The following ABCE1 variants were observed in gnomAD, a reference collection of about 807,000 sequenced individuals.
The protein encoded by ABCE1 is ATP binding cassette subfamily E member 1, also known as ATP-binding cassette sub-family E member 1.
ABCE1 carries 22 observed loss-of-function variants against 83.4 expected under a neutral mutation model. The observed-to-expected ratio is 0.26, with a 90% CI of 0.19 to 0.38. The LOEUF (loss-of-function observed/expected upper bound fraction) is 0.38, where lower values mean the gene tolerates loss of function less well. ABCE1 is among the 10% of genes least tolerant of loss of function. The probability of loss-of-function intolerance (pLI) is 1.00; values close to 1 mark genes in which losing one functional copy is unlikely to be tolerated. For missense variants in ABCE1, 330 were observed against 721.9 expected, an observed-to-expected ratio of 0.46 and a Z score of 6.22; for synonymous variants, 204 against 233.7, an observed-to-expected ratio of 0.87 and a Z score of 1.16.
intron 7 of ABCE1, 126 bp downstream of exon 7, chr4:145,110,570 G>A (rs955277195): frequency 6.8e-6 from 6 of 877,324 alleles, no homozygotes; most frequent in Non-Finnish European, 1.1e-5. Context: ...CTGCCTCCCG[G>A]GTTCAAGCGA....
chr4:145,120,195 A>G, intron 11 of ABCE1, 42 bp downstream of exon 11: 1 of 1,517,280 alleles, frequency 6.6e-7, no homozygotes. Flanking sequence ...CTTCCTGTTT[A>G]TCTAGTAAAT....
At chr4:145,106,256 C>G (rs1481309690) in intron 3 of ABCE1, among the ~76,000 whole-genome samples, 1 of 151,874 alleles carries the variant, frequency 6.6e-6, no homozygotes, top group Non-Finnish European at 1.5e-5. Context: ...TAATTTAGAT[C>G]TTTCTGTTTG....
At chr4:145,118,623 G>A (rs1248284450) in intron 10 of ABCE1, among the ~76,000 whole-genome samples, 1 of 151,610 alleles carries the variant, frequency 6.6e-6, no homozygotes, top group Non-Finnish European at 1.5e-5. Context: ...ATGGGTACTC[G>A]GCAGTCATTC....
chr4:145,108,442 C>G (rs1221179724), intron 4 of ABCE1, among the ~76,000 whole-genome samples: 1 of 152,076 alleles, frequency 6.6e-6, no homozygotes, highest in African/African-American at 2.4e-5. Flanking sequence ...GTTCCTAGTA[C>G]CCTTATCCCC....
At chr4:145,117,435 C>A in intron 10 of ABCE1, 21 bp downstream of exon 10, 1 of 1,607,246 alleles carries the variant, frequency 6.2e-7, no homozygotes, top group Admixed American at 1.7e-5. Context: ...AAACTTTTTT[C>A]ACATATGCTG....
At chr4:145,117,920 G>C (rs1399477379) in intron 10 of ABCE1, among the ~76,000 whole-genome samples, 1 of 151,638 alleles carries the variant, frequency 6.6e-6, no homozygotes, top group Non-Finnish European at 1.5e-5. Flanking sequence ...CCAAGAAAAT[G>C]AGATTCCCTG....
At chr4:145,099,180 AG>A (rs1406042127) in intron 1 of ABCE1, among the ~76,000 whole-genome samples, 1 of 152,222 alleles carries the variant, frequency 6.6e-6, no homozygotes, top group African/African-American at 2.4e-5. Context: ...CGTACATTGT[AG>A]GCATTTAATA....
chr4:145,109,090 G>A (rs1186642721), intron 4 of ABCE1, 42 bp from the exon 5 acceptor site: 6 of 1,388,848 alleles, frequency 4.3e-6, no homozygotes, highest in Non-Finnish European at 6.1e-6. Flanking sequence ...CTTTTTCTGT[G>A]TAAATCTGAG....
intron 9 of ABCE1, among the ~76,000 whole-genome samples, chr4:145,116,699 G>A (rs1252371114): frequency 6.6e-6 from 1 of 151,830 alleles, no homozygotes; most frequent in East Asian, 1.9e-4. Flanking sequence ...AGCCACTTAA[G>A]CTTCACATCA....
intron 9 of ABCE1, among the ~76,000 whole-genome samples, 193 bp downstream of exon 9, chr4:145,112,521 G>A (rs889062232): frequency 2.0e-5 from 3 of 152,048 alleles, no homozygotes; most frequent in Admixed American, 6.6e-5. Flanking sequence ...TAACACCCCC[G>A]CTTCCAGGGA....
intron 4 of ABCE1, among the ~76,000 whole-genome samples, chr4:145,108,555 A>C (rs578104213): frequency 6.6e-6 from 1 of 152,360 alleles, no homozygotes; most frequent in Admixed American, 6.5e-5. Flanking sequence ...ATTAAGGCAC[A>C]AATAAATCCT....
chr4:145,107,311 A>T (rs1003322905), intron 3 of ABCE1, among the ~76,000 whole-genome samples: 2 of 152,156 alleles, frequency 1.3e-5, no homozygotes, highest in Admixed American at 1.3e-4. Flanking sequence ...AAAAAGGATA[A>T]GATCCATGAC....
intron 3 of ABCE1, among the ~76,000 whole-genome samples, chr4:145,105,949 C>T (rs1749291409): frequency 1.3e-5 from 2 of 151,672 alleles, no homozygotes; most frequent in African/African-American, 2.4e-5. Flanking sequence ...CTTTTTTCAC[C>T]TTTTTATAAG....
intron 1 of ABCE1, 187 bp downstream of exon 1, chr4:145,098,606 G>T (rs561302670): frequency 6.6e-6 from 1 of 152,404 alleles, no homozygotes; most frequent in East Asian, 1.9e-4. Context: ...GCTTGGGGGC[G>T]CCTCGGTCTT....
chr4:145,120,266 T>G (rs1252144705), intron 11 of ABCE1, 113 bp downstream of exon 11: 4 of 889,982 alleles, frequency 4.5e-6, no homozygotes, highest in Non-Finnish European at 6.8e-6. Context: ...AAGCAGAGTT[T>G]TATTTAAACC....
chr4:145,117,435 C>T, intron 10 of ABCE1, 21 bp downstream of exon 10: 1 of 1,607,246 alleles, frequency 6.2e-7, no homozygotes, highest in Non-Finnish European at 8.5e-7. Context: ...AAACTTTTTT[C>T]ACATATGCTG....
chr4:145,126,696 A>G (rs1749898386), intron 17 of ABCE1, among the ~76,000 whole-genome samples: 1 of 152,200 alleles, frequency 6.6e-6, no homozygotes, highest in Non-Finnish European at 1.5e-5. Flanking sequence ...TATGTTATAC[A>G]TACTTCTGCT....
chr4:145,122,941 T>G, intron 13 of ABCE1, 80 bp from the exon 14 acceptor site: 1 of 994,272 alleles, frequency 1.0e-6, no homozygotes, highest in East Asian at 2.7e-5. Flanking sequence ...ATTCTGAAGC[T>G]TAACTTTGTC....
At chr4:145,104,349 A>C in intron 1 of ABCE1, 37 bp from the exon 2 acceptor site, 1 of 1,037,204 alleles carries the variant, frequency 9.6e-7, no homozygotes, top group Non-Finnish European at 1.4e-6. Context: ...AGTTCCCTTA[A>C]CTAATGGCAT....
Sources: allele counts gnomAD v4.1 joint callset (sites outside exome capture counted in the v4.1 genomes callset), GRCh38; gene constraint gnomAD v4.1.1; transcripts MANE v1.5; gene names NCBI Gene and HGNC (gene_info 2026-07-23, HGNC 2026-07-21).